The following CIMAP1D variants were observed in gnomAD, a reference collection of about 807,000 sequenced individuals.
CIMAP1D encodes the protein CIMAP1 family member D.
At chr19:470,640 A>G in the CIMAP1D span, among the ~76,000 whole-genome samples, 4 of 152,096 alleles carry the variant, frequency 2.6e-5, no homozygotes. Context: ...AAGGCTGAGA[A>G]CAGGCTGCTG....
the CIMAP1D span, among the ~76,000 whole-genome samples, chr19:487,291 G>A: frequency 3.9e-5 from 6 of 152,182 alleles, no homozygotes; most frequent in African/African-American, 1.4e-4. Flanking sequence ...TGCGCTGCAA[G>A]TGAGGGCCTT....
chr19:473,232 G>A, the CIMAP1D span, among the ~76,000 whole-genome samples: 3 of 26,004 alleles, frequency 1.2e-4, no homozygotes, highest in Admixed American at 8.1e-4. Context: ...AGAGATACAT[G>A]GTCACAGATG....
the CIMAP1D span, among the ~76,000 whole-genome samples, chr19:486,699 G>C: frequency 6.6e-6 from 1 of 151,896 alleles, no homozygotes; most frequent in African/African-American, 2.4e-5. Flanking sequence ...CAGATCACGA[G>C]ATCAGGAGAT....
At chr19:467,705 C>G in the CIMAP1D span, 2 of 1,611,796 alleles carry the variant, frequency 1.2e-6, no homozygotes, top group African/African-American at 2.7e-5. Flanking sequence ...GCGGCCAAAG[C>G]GTGTGACTTT....
At chr19:471,144 GTTTTC>G in the CIMAP1D span, among the ~76,000 whole-genome samples, 4 of 152,190 alleles carry the variant, frequency 2.6e-5, no homozygotes, top group African/African-American at 7.2e-5. Context: ...TTTTGTTTTT[GTTTTC>G]TTTTCTTTTC....
At chr19:489,921 G>T in the CIMAP1D span, 1 of 396,460 alleles carries the variant, frequency 2.5e-6, no homozygotes, top group South Asian at 1.3e-4. Context: ...GACCCAGGGC[G>T]AACACCCACA....
chr19:463,888 G>T, the CIMAP1D span: 2 of 1,611,132 alleles, frequency 1.2e-6, no homozygotes, highest in South Asian at 1.1e-5. Flanking sequence ...GGCCGGGAGG[G>T]CGTGGTGGCG....
the CIMAP1D span, among the ~76,000 whole-genome samples, chr19:479,373 G>A: frequency 6.9e-6 from 1 of 144,704 alleles, no homozygotes; most frequent in African/African-American, 2.5e-5. Flanking sequence ...CTAGGAGCAG[G>A]GAGCCCTTTT....
chr19:480,869 G>A, the CIMAP1D span, among the ~76,000 whole-genome samples: 1 of 142,922 alleles, frequency 7.0e-6, no homozygotes, highest in Non-Finnish European at 1.5e-5. Flanking sequence ...GAACGATGAT[G>A]GAAAACGATG....
the CIMAP1D span, among the ~76,000 whole-genome samples, chr19:474,163 C>T: frequency 1.3e-5 from 2 of 152,196 alleles, no homozygotes; most frequent in South Asian, 2.1e-4. Flanking sequence ...TGACTCCAGC[C>T]GCTAATTGTG....
At chr19:488,230 C>CAA in the CIMAP1D span, among the ~76,000 whole-genome samples, 1,269 of 146,640 alleles carry the variant, frequency 8.7e-3, 15 homozygotes, top group African/African-American at 0.03. Context: ...ACTAAAAATA[C>CAA]AAAAAAAAAA....
At chr19:475,484 C>G in the CIMAP1D span, among the ~76,000 whole-genome samples, 58 of 152,290 alleles carry the variant, frequency 3.8e-4, no homozygotes, top group East Asian at 9.5e-3. Context: ...CCCAGGGTAG[C>G]AGTGTGGGTG....
At chr19:468,993 A>G in the CIMAP1D span, among the ~76,000 whole-genome samples, 57 of 151,640 alleles carry the variant, frequency 3.8e-4, no homozygotes, top group African/African-American at 1.4e-3. Context: ...CGTGGCACGC[A>G]GTGTGGCCCA....
At chr19:481,196 TG>T in the CIMAP1D span, among the ~76,000 whole-genome samples, 1 of 121,168 alleles carries the variant, frequency 8.3e-6, no homozygotes, top group African/African-American at 3.5e-5. Flanking sequence ...GGAAGGATGA[TG>T]GGGAAGGATG....
At chr19:488,696 TC>T in the CIMAP1D span, among the ~76,000 whole-genome samples, 1 of 152,026 alleles carries the variant, frequency 6.6e-6, no homozygotes, top group African/African-American at 2.4e-5. Context: ...GGAACCTGGA[TC>T]CCCGACCGGG....
the CIMAP1D span, among the ~76,000 whole-genome samples, chr19:470,056 T>C: frequency 0.18 from 27,820 of 152,008 alleles, 5,528 homozygotes; most frequent in African/African-American, 0.47. Context: ...AGATCCCATG[T>C]TCCACTTCCA....
the CIMAP1D span, chr19:472,268 A>G: frequency 2.0e-6 from 1 of 504,630 alleles, no homozygotes; most frequent in South Asian, 3.2e-5. Flanking sequence ...TGTACAGCCC[A>G]GCCCTGCCTG....
the CIMAP1D span, among the ~76,000 whole-genome samples, chr19:488,887 G>A: frequency 6.6e-6 from 1 of 152,064 alleles, no homozygotes; most frequent in Non-Finnish European, 1.5e-5. Context: ...CCACGCAAGG[G>A]CAGCCGGGGC....
chr19:464,940 A>C, the CIMAP1D span, among the ~76,000 whole-genome samples: 1 of 119,568 alleles, frequency 8.4e-6, no homozygotes, highest in African/African-American at 3.2e-5. Context: ...GGAACGGTTG[A>C]TAGGTAGAAG....
Sources: allele counts gnomAD v4.1 joint callset (sites outside exome capture counted in the v4.1 genomes callset), GRCh38; gene constraint gnomAD v4.1.1; transcripts MANE v1.5; gene names NCBI Gene and HGNC (gene_info 2026-07-23, HGNC 2026-07-21).